CAMTA1: variants seen among roughly 807,000 people sequenced by gnomAD.
CAMTA1 encodes the protein calmodulin-binding transcription activator 1.
Under a neutral mutation model 170.9 loss-of-function variants are expected in CAMTA1, and 27 were observed. That is an observed-to-expected ratio of 0.16 (90% CI 0.12 to 0.22). CAMTA1 has a LOEUF of 0.22. CAMTA1 is among the 10% of genes least tolerant of loss of function. The pLI is 1.00. For missense variants in CAMTA1, 1,619 were observed against 2,217.2 expected, an observed-to-expected ratio of 0.73 and a Z score of 5.42; for synonymous variants, 833 against 891.5, an observed-to-expected ratio of 0.93 and a Z score of 1.17.
intron 3 of CAMTA1, among the ~76,000 whole-genome samples, chr1:6,978,656 A>C (rs1693903825): frequency 6.7e-6 from 1 of 149,582 alleles, no homozygotes; most frequent in Non-Finnish European, 1.5e-5. Context: ...ATATATAGTT[A>C]ATATTATATT....
At chr1:7,380,406 C>T (rs1325647761) in intron 5 of CAMTA1, among the ~76,000 whole-genome samples, 1 of 152,124 alleles carries the variant, frequency 6.6e-6, no homozygotes, top group East Asian at 1.9e-4. Flanking sequence ...GAAACCCCGT[C>T]TCTACTAAAA....
intron 4 of CAMTA1, among the ~76,000 whole-genome samples, chr1:7,115,884 C>T (rs2148414879): frequency 6.6e-6 from 1 of 152,150 alleles, no homozygotes; most frequent in East Asian, 1.9e-4. Context: ...ATTCAGGTCT[C>T]CAGCTGATTG....
intron 4 of CAMTA1, among the ~76,000 whole-genome samples, chr1:7,208,350 G>A (rs774543613): frequency 1.3e-5 from 2 of 152,218 alleles, no homozygotes; most frequent in Non-Finnish European, 2.9e-5. Context: ...CAATGATCAG[G>A]TCAGTCAAAA....
intron 6 of CAMTA1, among the ~76,000 whole-genome samples, chr1:7,639,342 T>C (rs1272775233): frequency 8.5e-5 from 13 of 152,166 alleles, no homozygotes; most frequent in Admixed American, 8.5e-4. Context: ...GGGCAGCTGG[T>C]GCCCAGAAGT....
At chr1:7,365,053 C>T (rs2085859306) in intron 5 of CAMTA1, among the ~76,000 whole-genome samples, 1 of 152,232 alleles carries the variant, frequency 6.6e-6, no homozygotes, top group African/African-American at 2.4e-5. Context: ...ATGACCTTCC[C>T]CAGAGTCCAA....
At chr1:6,861,567 C>A (rs991288755) in intron 3 of CAMTA1, among the ~76,000 whole-genome samples, 13 of 152,234 alleles carry the variant, frequency 8.5e-5, no homozygotes, top group Admixed American at 7.2e-4. Context: ...TCACAAGGCA[C>A]GTGTAACCCA....
chr1:7,179,851 AAAAG>A (rs1651734723), intron 4 of CAMTA1, among the ~76,000 whole-genome samples: 1 of 152,238 alleles, frequency 6.6e-6, no homozygotes, highest in Non-Finnish European at 1.5e-5. Context: ...AAGGTAAACC[AAAAG>A]AAAGCACAAG....
chr1:7,127,659 A>C (rs1645013489), intron 4 of CAMTA1, among the ~76,000 whole-genome samples: 1 of 152,198 alleles, frequency 6.6e-6, no homozygotes, highest in South Asian at 2.1e-4. Flanking sequence ...GCTTGTCCAT[A>C]GGAAGCTTAG....
intron 4 of CAMTA1, chr1:7,142,087 C>T (rs750565772): frequency 1.9e-6 from 1 of 518,626 alleles, no homozygotes; most frequent in South Asian, 1.4e-5. Flanking sequence ...CCAGCTCTTC[C>T]TGGTACCCCT....
chr1:6,899,550 G>A lies in CAMTA1; in HGVS notation c.234+74340G>A, dbSNP rs1355209672. Among the ~76,000 whole-genome samples, 214 of 85,170 alleles carry A rather than the reference G, an allele frequency of 2.5e-3. 1 individual carries two copies. Among genetic ancestry groups the A allele is most frequent in the African/African-American group, 7.7e-3 (188 of 24,304 alleles). 55.9% of individuals were successfully genotyped at this position (85,170 alleles called of 152,430 possible). On this transcript the variant is annotated intron_variant, in intron 3 of 22. Coordinates refer to ENST00000303635, the MANE Select transcript of CAMTA1 (RefSeq NM_015215.4). ...TTATATGTGTATAACGCGCACGCGC[G>A]CGCGCACACACACACACACACACAC...
At chr1:7,628,503 G>A (rs747856540) in intron 6 of CAMTA1, among the ~76,000 whole-genome samples, 1 of 152,346 alleles carries the variant, frequency 6.6e-6, no homozygotes, top group African/African-American at 2.4e-5. Flanking sequence ...CATGAGCCAC[G>A]TGGCCGTGAG....
intron 3 of CAMTA1, among the ~76,000 whole-genome samples, chr1:6,983,244 C>G (rs2100212342): frequency 6.6e-6 from 1 of 152,294 alleles, no homozygotes. Context: ...GTGCCATGGT[C>G]TTAGAAAATA....
intron 3 of CAMTA1, among the ~76,000 whole-genome samples, chr1:7,025,628 G>A (rs929810805): frequency 6.6e-6 from 1 of 152,150 alleles, no homozygotes; most frequent in African/African-American, 2.4e-5. Context: ...TCCCATTAAG[G>A]TGCTCTCAAG....
At chr1:7,629,310 T>G (rs1009144461) in intron 6 of CAMTA1, among the ~76,000 whole-genome samples, 11 of 152,234 alleles carry the variant, frequency 7.2e-5, no homozygotes, top group Non-Finnish European at 1.3e-4. Context: ...CCGGCCATCA[T>G]GGTGTCTCCT....
intron 3 of CAMTA1, among the ~76,000 whole-genome samples, chr1:7,074,938 C>A (rs1420276300): frequency 6.6e-6 from 1 of 152,186 alleles, no homozygotes; most frequent in Non-Finnish European, 1.5e-5. Context: ...GGCATGCAGT[C>A]ATGTTCTTCT....
At chr1:7,323,368 C>CAGGT (rs1678746017) in intron 5 of CAMTA1, among the ~76,000 whole-genome samples, 1 of 152,004 alleles carries the variant, frequency 6.6e-6, no homozygotes, top group Non-Finnish European at 1.5e-5. Context: ...GTGGCTTGCT[C>CAGGT]CCCCATGGCC....
intron 6 of CAMTA1, among the ~76,000 whole-genome samples, chr1:7,506,590 C>G (rs954370806): frequency 2.0e-5 from 3 of 151,960 alleles, no homozygotes; most frequent in Admixed American, 1.3e-4. Flanking sequence ...CACACTCACA[C>G]GCTCACACTC....
chr1:7,276,303 A>ATATATATATTTTTTTTTTTTTTTTT, intron 5 of CAMTA1, among the ~76,000 whole-genome samples: 6 of 24,230 alleles, frequency 2.5e-4, no homozygotes, highest in Non-Finnish European at 3.6e-4. Context: ...ATATATATAT[A>ATATATATATTTTTTTTTTTTTTTTT]TTTTTTTTTT....
intron 4 of CAMTA1, among the ~76,000 whole-genome samples, chr1:7,140,731 C>T (rs954004463): frequency 2.0e-5 from 3 of 152,088 alleles, no homozygotes; most frequent in Admixed American, 2.0e-4. Flanking sequence ...CACACTGTAA[C>T]AAAGCTTTAA....
Sources: gnomAD v4.1 joint callset for allele counts (sites outside exome capture counted in the v4.1 genomes callset) on GRCh38, gnomAD v4.1.1 for gene constraint, MANE v1.5 for transcripts, NCBI Gene and HGNC (gene_info 2026-07-23, HGNC 2026-07-21) for gene names.